The following SHROOM3 variants were observed in gnomAD, a reference collection of about 807,000 sequenced individuals.
SHROOM3 encodes the protein shroom family member 3.
Under a neutral mutation model 138.6 loss-of-function variants are expected in SHROOM3, and 47 were observed. The observed-to-expected ratio is 0.34, with a 90% CI of 0.27 to 0.43. The LOEUF (loss-of-function observed/expected upper bound fraction) is 0.43. Among genes scored for constraint, SHROOM3 ranks in the 20% least tolerant of loss-of-function variants. The pLI is 1.00. For missense variants in SHROOM3, 2,491 were observed against 2,596.5 expected, an observed-to-expected ratio of 0.96 and a Z score of 0.88; for synonymous variants, 1,062 against 1,063.3, an observed-to-expected ratio of 1.00 and a Z score of 0.02.
intron 2 of SHROOM3, among the ~76,000 whole-genome samples, chr4:76,700,016 AG>A (rs1719858994): frequency 6.6e-6 from 1 of 152,194 alleles, no homozygotes; most frequent in Non-Finnish European, 1.5e-5. Context: ...AGATAACTGC[AG>A]GGAACCCATC....
At chr4:76,501,076 C>T (rs35778563) in intron 1 of SHROOM3, among the ~76,000 whole-genome samples, 26,790 of 152,074 alleles carry the variant, frequency 0.18, 2,748 homozygotes, top group African/African-American at 0.27. Context: ...CCTCAGCCTC[C>T]CAAAGTGCTG....
chr4:76,514,699 G>A (rs4417996), intron 1 of SHROOM3, among the ~76,000 whole-genome samples: 44,242 of 151,976 alleles, frequency 0.29, 7,228 homozygotes, highest in African/African-American at 0.43. Context: ...TATATGAAGC[G>A]TGAAACTTTA....
At chr4:76,442,136 T>C (rs2109964460) in intron 1 of SHROOM3, among the ~76,000 whole-genome samples, 1 of 152,390 alleles carries the variant, frequency 6.6e-6, no homozygotes, top group South Asian at 2.1e-4. Context: ...TTACTCATGC[T>C]GTATATATTT....
At chr4:76,605,159 G>A (rs908935345) in intron 2 of SHROOM3, among the ~76,000 whole-genome samples, 2 of 152,200 alleles carry the variant, frequency 1.3e-5, no homozygotes, top group African/African-American at 4.8e-5. Context: ...AAGATTTGTT[G>A]TAGGAAGATC....
At chr4:76,526,423 C>T (rs1039079820) in intron 1 of SHROOM3, among the ~76,000 whole-genome samples, 3 of 152,062 alleles carry the variant, frequency 2.0e-5, no homozygotes, top group Non-Finnish European at 4.4e-5. Flanking sequence ...TTCCCCTGTG[C>T]GCCAGCCAGT....
chr4:76,739,220 T>A lies in SHROOM3; in HGVS notation c.1047T>A (p.Asn349Lys), dbSNP rs1721170368. 6.2e-7 allele frequency: 1 copy of A among 1,614,130 alleles called. No individual in the cohort carries two copies. Among genetic ancestry groups the A allele is most frequent in the African/African-American group, 1.3e-5 (1 of 75,030 alleles). Residue 349 changes from asparagine (N) to lysine (K), a missense_variant, in exon 5 of 11, where the codon AAT becomes AAA. This residue lies in a region of SHROOM3 where 1,733 missense variants were observed against 1,661.6 expected (regional missense o/e 1.04). Coordinates refer to ENST00000296043, the MANE Select transcript of SHROOM3 (RefSeq NM_020859.4). The part of the protein sequence containing the change: ...ANGQGYDKWS[N>K]IPRGKGVPPP... ...GTCAGGGCTATGATAAATGGTCTAA[T>A]ATTCCTCGGGGCAAGGGAGTGCCAC...
At chr4:76,492,716 T>C (rs539840149) in intron 1 of SHROOM3, among the ~76,000 whole-genome samples, 1 of 152,310 alleles carries the variant, frequency 6.6e-6, no homozygotes, top group South Asian at 2.1e-4. Context: ...GAATAAATCA[T>C]GCATGAGATC....
intron 4 of SHROOM3, among the ~76,000 whole-genome samples, chr4:76,735,109 G>T (rs1720995733): frequency 6.6e-6 from 1 of 152,122 alleles, no homozygotes; most frequent in Admixed American, 6.6e-5. Flanking sequence ...AGAAAATGAG[G>T]CTGGAGAAGT....
chr4:76,738,489 C>T (rs746646197), intron 4 of SHROOM3, among the ~76,000 whole-genome samples: 1 of 152,194 alleles, frequency 6.6e-6, no homozygotes, highest in Non-Finnish European at 1.5e-5. Context: ...GCTGCCTGTG[C>T]CCAAAGGCCA....
At chr4:76,522,165 A>T (rs116118012) in intron 1 of SHROOM3, among the ~76,000 whole-genome samples, 10,875 of 149,142 alleles carry the variant, frequency 0.073, 431 homozygotes, top group East Asian at 0.21. Context: ...TTTTTTTTTT[A>T]AATGTCATTA....
intron 10 of SHROOM3, among the ~76,000 whole-genome samples, chr4:76,774,991 A>C (rs1363325501): frequency 3.3e-5 from 5 of 151,992 alleles, no homozygotes; most frequent in South Asian, 4.2e-4. Context: ...TTTGGGGAAC[A>C]GGTGGTGTTT....
At chr4:76,749,155 C>A in intron 6 of SHROOM3, 65 bp downstream of exon 6, 1 of 1,415,062 alleles carries the variant, frequency 7.1e-7, no homozygotes, top group Admixed American at 1.7e-5. Context: ...TACTCTTGTT[C>A]CTTTCTACAA....
intron 2 of SHROOM3, among the ~76,000 whole-genome samples, chr4:76,617,508 A>G (rs1276261379): frequency 6.6e-6 from 1 of 152,256 alleles, no homozygotes; most frequent in African/African-American, 2.4e-5. Context: ...ATACATTAAT[A>G]CAAAGAAGTT....
intron 9 of SHROOM3, among the ~76,000 whole-genome samples, chr4:76,767,294 C>G (rs1339650328): frequency 4.6e-5 from 7 of 152,194 alleles, no homozygotes; most frequent in Non-Finnish European, 5.9e-5. Flanking sequence ...GTTCTCTCCT[C>G]TCATCACTCA....
At chr4:76,595,756 T>G (rs1734368547) in intron 2 of SHROOM3, among the ~76,000 whole-genome samples, 1 of 152,190 alleles carries the variant, frequency 6.6e-6, no homozygotes, top group Non-Finnish European at 1.5e-5. Flanking sequence ...CATTATCTGA[T>G]CCTGCAATGG....
At chr4:76,528,180 A>T (rs781535506) in intron 1 of SHROOM3, among the ~76,000 whole-genome samples, 29 of 152,206 alleles carry the variant, frequency 1.9e-4, no homozygotes, top group Admixed American at 3.9e-4. Flanking sequence ...TGAGCCAAGA[A>T]GTAATTTTAT....
intron 2 of SHROOM3, among the ~76,000 whole-genome samples, chr4:76,594,985 T>G (rs1354242137): frequency 6.6e-6 from 1 of 152,184 alleles, no homozygotes; most frequent in Non-Finnish European, 1.5e-5. Flanking sequence ...AACATTAACT[T>G]AGTGGTGAAA....
At chr4:76,524,051 C>T (rs557663380) in intron 1 of SHROOM3, among the ~76,000 whole-genome samples, 69 of 152,254 alleles carry the variant, frequency 4.5e-4, no homozygotes, top group Non-Finnish European at 8.4e-4. Flanking sequence ...ACTGGTGGGA[C>T]AAGCGGACAA....
chr4:76,448,532 T>A (rs1730860113), intron 1 of SHROOM3, among the ~76,000 whole-genome samples: 1 of 152,172 alleles, frequency 6.6e-6, no homozygotes, highest in Non-Finnish European at 1.5e-5. Flanking sequence ...AGTTCTTTCA[T>A]CTCTCAGATG....
Sources: allele counts gnomAD v4.1 joint callset (sites outside exome capture counted in the v4.1 genomes callset), GRCh38; gene constraint gnomAD v4.1.1; regional missense constraint gnomAD v4.1.1; transcripts MANE v1.5; gene names NCBI Gene and HGNC (gene_info 2026-07-23, HGNC 2026-07-21).